The following HERC1 variants were observed in gnomAD, a reference collection of about 807,000 sequenced individuals.
HERC1 encodes the protein probable E3 ubiquitin-protein ligase HERC1.
A neutral mutation model predicts 554.3 loss-of-function variants in HERC1; 160 were observed. The ratio of observed to expected loss-of-function variants is 0.29; its 90% CI spans 0.25 to 0.33. The LOEUF (loss-of-function observed/expected upper bound fraction) is 0.33, where lower values mean the gene tolerates loss of function less well. HERC1 is among the 10% of genes least tolerant of loss of function. The pLI is 1.00. For synonymous variants in HERC1, 2,175 were observed against 2,131.7 expected (o/e 1.02, Z -0.56); for missense variants, 4,919 against 5,918.5 (o/e 0.83, Z 5.54).
intron 63 of HERC1, 79 bp downstream of exon 63, chr15:63,638,332 T>A: frequency 2.1e-6 from 3 of 1,413,796 alleles, no homozygotes; most frequent in South Asian, 2.6e-5. Flanking sequence ...GGACAAGCTT[T>A]ATCCCACAAT....
chr15:63,640,095 C>G, intron 61 of HERC1, 57 bp downstream of exon 61: 1 of 1,523,282 alleles, frequency 6.6e-7, no homozygotes, highest in Non-Finnish European at 9.0e-7. Flanking sequence ...CTGCTACATG[C>G]CCAATACCCA....
At chr15:63,827,831 G>C (rs1326861092) in intron 1 of HERC1, among the ~76,000 whole-genome samples, 1 of 152,186 alleles carries the variant, frequency 6.6e-6, no homozygotes, top group East Asian at 1.9e-4. Flanking sequence ...ACTGATACAT[G>C]CTACAACATG....
chr15:63,624,777 T>C (rs1467659077), intron 71 of HERC1, among the ~76,000 whole-genome samples: 2 of 152,246 alleles, frequency 1.3e-5, no homozygotes, highest in African/African-American at 2.4e-5. Context: ...TTAGGAACTA[T>C]TAGTAACCTT....
intron 2 of HERC1, among the ~76,000 whole-genome samples, chr15:63,771,701 G>T (rs905679461): frequency 6.6e-6 from 1 of 152,040 alleles, no homozygotes; most frequent in Non-Finnish European, 1.5e-5. Context: ...CCAAAGTGCT[G>T]GGATTACAGG....
rs1435671728 is a variant in HERC1, at chr15:63,754,559, T to C, written c.1720A>G (p.Ile574Val). The part of the protein sequence containing the change: ...GEVSCGSSHT[I>V]ALSKDGRTVW... ...GTTCTCCCATCTTTAGACAGAGCAA[T>C]AGTATGTGAACTGCCACAAGAAACC... Residue 574 changes from isoleucine to valine, a missense_variant, in exon 7 of 78, where the codon ATT becomes GTT. This residue lies in a region of HERC1 where 744 missense variants were observed against 1,090.0 expected (regional missense o/e 0.68). Transcript: ENST00000443617. 3.7e-6 allele frequency: 6 copies of C among 1,613,456 alleles called. No individual in the cohort carries two copies. Among genetic ancestry groups the C allele is most frequent in the East Asian group, 4.5e-5 (2 of 44,826 alleles).
rs1001081212 is a variant in HERC1, at chr15:63,677,759, A to C, written c.7070+86T>G. 3 of 1,515,312 alleles carry C rather than the reference A, an allele frequency of 2.0e-6. No homozygotes were observed. Among genetic ancestry groups the C allele is most frequent in the Non-Finnish European group, 2.6e-6 (3 of 1,133,778 alleles). The allele number at this position is 1,515,312 out of a possible 1,614,324, so 93.9% of individuals were successfully genotyped here. ...AAAGTTAACTGGCAGCTCACCTAAAATACATAATTACTCACTGTCGACAGG... is the reference window on the plus strand; with the variant it reads ...AAAGTTAACTGGCAGCTCACCTAAACTACATAATTACTCACTGTCGACAGG... On this transcript the variant is annotated intron_variant, in intron 37 of 77. Coordinates refer to ENST00000443617, the MANE Select transcript of HERC1 (RefSeq NM_003922.4). This position sits in a 1 kb window ranked among gnomAD's most constrained non-coding sequence, Gnocchi z 4.4.
intron 64 of HERC1, 96 bp from the exon 65 acceptor site, chr15:63,636,238 G>A (rs369936324): frequency 4.0e-5 from 38 of 943,824 alleles, no homozygotes; most frequent in Middle Eastern, 3.4e-4. Context: ...AAAAACCACC[G>A]AATTGGTACT....
intron 12 of HERC1, among the ~76,000 whole-genome samples, chr15:63,743,736 T>C (rs2074922806): frequency 6.6e-6 from 1 of 152,250 alleles, no homozygotes; most frequent in Admixed American, 6.5e-5. Flanking sequence ...CTATCTTGAA[T>C]TTCTTTGACT....
In HERC1 at chr15:63,652,405, A is replaced by G. The variant is rs1363459917; in HGVS notation, c.10418+9T>C. On this transcript the variant is annotated intron_variant, in intron 52 of 77. Transcript: ENST00000443617. Reference sequence around the variant, plus strand: ...TTTTAAATGGTATACACGTGATGTTAGCACTCACAATCTGTTGAACACACA... The same window carrying G: ...TTTTAAATGGTATACACGTGATGTTGGCACTCACAATCTGTTGAACACACA... 6.2e-7 allele frequency: 1 copy of G among 1,611,680 alleles called. No individual in the cohort carries two copies. Among genetic ancestry groups the G allele is most frequent in the South Asian group, 1.1e-5 (1 of 90,766 alleles).
rs752398916 is a variant in HERC1, at chr15:63,626,096, C to T, written c.13164G>A (p.Ala4388=). The T allele has an allele frequency of 1.2e-5, 19 of 1,613,676 alleles. No individual in the cohort carries two copies. Among genetic ancestry groups the T allele is most frequent in the Admixed American group, 1.7e-5 (1 of 59,978 alleles). ...LPDTVPPQYG[A]LREVSIHTVR... is the part of the protein sequence containing the mutation. ...CCGTGTGAATGCTGACTTCTCTCAGCGCCCCATACTGGGGGGGCACTGTGT... is the reference window on the plus strand; with the variant it reads ...CCGTGTGAATGCTGACTTCTCTCAGTGCCCCATACTGGGGGGGCACTGTGT... Residue 4388 remains alanine (A), a synonymous_variant, in exon 71 of 78, where the codon GCG becomes GCA. Coordinates refer to ENST00000443617, the MANE Select transcript of HERC1 (RefSeq NM_003922.4).
Position 63,637,597 on chromosome 15 carries a change from G to T in HERC1, c.12140C>A (p.Thr4047Lys), listed in dbSNP as rs1038992380. 6.4e-7 allele frequency: 1 copy of T among 1,554,038 alleles called. No individual in the cohort carries two copies. The highest frequency in any genetic ancestry group is 8.7e-7 in the Non-Finnish European group (1 of 1,147,710). ...NCTFVIQANG[T>K]VLACGEGSYG... ...ACTTCCTTCCCCACAAGCCAACACT[G>T]TGCCATTGGCCTGGATGACAAAGGT... is the stretch of plus-strand genomic sequence containing the variant. Residue 4047 changes from threonine to lysine, a missense_variant, in exon 64 of 78, where the codon ACA (threonine) becomes AAA (lysine). Coordinates refer to ENST00000443617, the MANE Select transcript of HERC1 (RefSeq NM_003922.4).
At chr15:63,739,224 G>C (rs1252927867) in intron 12 of HERC1, among the ~76,000 whole-genome samples, 21 of 131,022 alleles carry the variant, frequency 1.6e-4, no homozygotes, top group African/African-American at 6.1e-4. Context: ...TTTAGATGGA[G>C]ACTCGTTCTG....
intron 26 of HERC1, among the ~76,000 whole-genome samples, chr15:63,697,122 A>T (rs1371037389): frequency 6.6e-6 from 1 of 152,172 alleles, no homozygotes; most frequent in East Asian, 1.9e-4. Flanking sequence ...ACCTAAAGTA[A>T]AATAGTATTA....
At chr15:63,731,402 T>A (rs547987195) in intron 14 of HERC1, among the ~76,000 whole-genome samples, 1 of 152,352 alleles carries the variant, frequency 6.6e-6, no homozygotes, top group East Asian at 1.9e-4. Flanking sequence ...AAGCAGTTAG[T>A]ATTTTATTTC....
rs199811363 is a variant in HERC1 at position 63,634,727 on chromosome 15, C to T, written c.12570+6G>A. The T allele has an allele frequency of 2.7e-5, 43 of 1,609,586 alleles. No homozygotes were observed. The Admixed American group carries it at 4.9e-4, about 18-fold the overall frequency. On this transcript the variant is annotated splice_donor_region_variant and intron_variant, in intron 66 of 77. Coordinates refer to ENST00000443617, the MANE Select transcript of HERC1 (RefSeq NM_003922.4). ...AGCTAGAATATCTTATTGATTTATT[C>T]CATGCCTGTCCAATCTGATATCCCT...
chr15:63,633,791 G>A, intron 67 of HERC1, 57 bp downstream of exon 67: 1 of 1,545,106 alleles, frequency 6.5e-7, no homozygotes, highest in Middle Eastern at 1.7e-4. Context: ...AATAACTACT[G>A]ACATAGATGA....
chr15:63,712,844 A>G lies in HERC1; in HGVS notation c.4515T>C (p.Tyr1505=), dbSNP rs780459130. ...ATTCACTCCTCGATTTGATCAGTCTATAATTTGGGCTTGTGTGGACTAGCC... is the reference window on the plus strand; with the variant it reads ...ATTCACTCCTCGATTTGATCAGTCTGTAATTTGGGCTTGTGTGGACTAGCC... ...ESRLVHTSPN[Y]RLIKSRSESD... The change falls in exon 24 of 78, where the codon TAT becomes TAC. Residue 1505 remains tyrosine, a synonymous_variant. Transcript: ENST00000443617. 7.4e-6 allele frequency: 12 copies of G among 1,613,684 alleles called. No individual in the cohort carries two copies. The highest frequency in any genetic ancestry group is 1.1e-5 in the South Asian group (1 of 91,056).
chr15:63,762,779 T>C (rs1373805134), intron 3 of HERC1, among the ~76,000 whole-genome samples: 1 of 152,176 alleles, frequency 6.6e-6, no homozygotes, highest in East Asian at 1.9e-4. Context: ...AATCAGTCAA[T>C]AAGGGAATCT....
chr15:63,703,889 C>T (rs967132531), intron 25 of HERC1, among the ~76,000 whole-genome samples: 2 of 151,066 alleles, frequency 1.3e-5, no homozygotes, highest in African/African-American at 4.9e-5. Context: ...TGTACTCCAG[C>T]CTGGGTGACA....
Sources: allele counts gnomAD v4.1 joint callset (sites outside exome capture counted in the v4.1 genomes callset), GRCh38; gene constraint gnomAD v4.1.1; regional missense constraint gnomAD v4.1.1; non-coding constraint Gnocchi (gnomAD v3.1); transcripts MANE v1.5; gene names NCBI Gene and HGNC (gene_info 2026-07-23, HGNC 2026-07-21).